The following TENT4A variants were observed in gnomAD, a reference collection of about 807,000 sequenced individuals.
The protein encoded by TENT4A is terminal nucleotidyltransferase 4A, also known as DNA polymerase kappa.
In TENT4A, 7 loss-of-function variants were observed where a neutral mutation model predicts 72.8. The observed-to-expected ratio is 0.10, with a 90% CI of 0.05 to 0.18. The LOEUF (loss-of-function observed/expected upper bound fraction) is 0.18. Among genes scored for constraint, TENT4A ranks in the 10% least tolerant of loss-of-function variants. The pLI is 1.00. For synonymous variants in TENT4A, 456 were observed against 434.3 expected (o/e 1.05, Z -0.62); for missense variants, 831 against 1,017.7 (o/e 0.82, Z 2.50).
intron 7 of TENT4A, among the ~76,000 whole-genome samples, chr5:6,748,190 C>T (rs1052972115): frequency 2.6e-5 from 4 of 152,238 alleles, no homozygotes; most frequent in African/African-American, 4.8e-5. Context: ...CAGCCGCCTC[C>T]GTGAGGTGGG....
rs906665266 is a variant in TENT4A, at chr5:6,754,867, C to T, written c.2301C>T (p.His767=). Residue 767 remains histidine, a synonymous_variant, in exon 13 of 13, where the codon CAC becomes CAT. Coordinates refer to ENST00000230859, the MANE Select transcript of TENT4A (RefSeq NM_006999.6). ...VRPPVGNRGH[H]QYNRTGWRRK... Reference sequence around the variant, plus strand: ...CCCCTGTGGGCAACAGGGGACACCACCAGTATAACCGCACCGGCTGGAGGA... The same window carrying T: ...CCCCTGTGGGCAACAGGGGACACCATCAGTATAACCGCACCGGCTGGAGGA... 5 of 1,608,846 alleles carry T rather than the reference C, an allele frequency of 3.1e-6. No homozygotes were observed. Among genetic ancestry groups the T allele is most frequent in the Non-Finnish European group, 4.3e-6 (5 of 1,176,358 alleles).
intron 1 of TENT4A, among the ~76,000 whole-genome samples, chr5:6,720,466 A>G (rs1740590649): frequency 1.3e-5 from 2 of 152,040 alleles, no homozygotes; most frequent in South Asian, 2.1e-4. Context: ...GGTGGTTACT[A>G]CTGAACTCAG....
chr5:6,748,662 T>G, intron 8 of TENT4A, 72 bp downstream of exon 8: 1 of 1,473,914 alleles, frequency 6.8e-7, no homozygotes, highest in Non-Finnish European at 9.3e-7. Flanking sequence ...CCTGTGTCAT[T>G]TACCTCCATG....
intron 1 of TENT4A, among the ~76,000 whole-genome samples, chr5:6,715,992 G>C (rs1283953689): frequency 1.3e-5 from 2 of 152,106 alleles, no homozygotes; most frequent in Admixed American, 1.3e-4. Context: ...GGCTCGCTTG[G>C]GGAGGACCTT....
At position 6,714,714 on chromosome 5, in the gene TENT4A, AGGCCGC is replaced by A. The variant is rs1281088238; in HGVS notation, c.716+18_716+23del. ...GGCATCCAGGGGTGAGTGCGCGGGG[AGGCCGC>A]GGGGGCGGGGGCGGGGCCCATGGTC... On this transcript the variant is annotated intron_variant, in intron 1 of 12. Coordinates refer to ENST00000230859, the MANE Select transcript of TENT4A (RefSeq NM_006999.6). 35 of 1,044,558 alleles carry A rather than the reference AGGCCGC, an allele frequency of 3.4e-5. No homozygotes were observed. Among genetic ancestry groups the A allele is most frequent in the Admixed American group, 1.0e-4 (2 of 19,598 alleles). 64.7% of individuals were successfully genotyped at this position (1,044,558 alleles called of 1,614,324 possible). A position where few individuals can be genotyped will look rare whatever the true frequency, so the allele number is the denominator to read the frequency against.
intron 1 of TENT4A, among the ~76,000 whole-genome samples, chr5:6,736,589 A>C (rs1741512610): frequency 6.6e-6 from 1 of 152,228 alleles, no homozygotes; most frequent in South Asian, 2.1e-4. Flanking sequence ...CTTAAAGGAA[A>C]AGAGGACGAC....
In TENT4A at chr5:6,754,982, C is replaced by A; in HGVS notation, c.*37C>A. On this transcript the variant is annotated 3_prime_UTR_variant, in exon 13 of 13. Coordinates refer to ENST00000230859, the MANE Select transcript of TENT4A (RefSeq NM_006999.6). The stretch of plus-strand genomic sequence containing the variant: ...TGCGTCAGCCTCCCCCACCCCTCTG[C>A]AGACTGCCCCGCGGCCTCGGCCACC... The A allele has an allele frequency of 6.6e-7, 1 of 1,519,186 alleles. No individual in the cohort carries two copies. Among genetic ancestry groups the A allele is most frequent in the South Asian group, 1.3e-5 (1 of 77,860 alleles). 94.1% of individuals were successfully genotyped at this position (1,519,186 alleles called of 1,614,324 possible).
chr5:6,746,069 G>A (rs1268388063), intron 6 of TENT4A, 145 bp from the exon 7 acceptor site: 1 of 1,505,508 alleles, frequency 6.6e-7, no homozygotes, highest in African/African-American at 1.4e-5. Flanking sequence ...TGCTGTTCAG[G>A]CTTCCTCGTG....
chr5:6,737,677 GTAAATT>G, intron 2 of TENT4A, 44 bp downstream of exon 2: 1 of 1,591,548 alleles, frequency 6.3e-7, no homozygotes, highest in Non-Finnish European at 8.6e-7. Context: ...TCACGTGCGA[GTAAATT>G]TAAATACCCT....
rs1742702960 is a variant in TENT4A, at chr5:6,756,421, A to C, written c.*1476A>C. Reference sequence around the variant, plus strand: ...GTCCACTAGTGGAGAATGTCAAGACAAGATACTTATTACCATGACATCTGA... The same window carrying C: ...GTCCACTAGTGGAGAATGTCAAGACCAGATACTTATTACCATGACATCTGA... On this transcript the variant is annotated 3_prime_UTR_variant, in exon 13 of 13. Coordinates refer to ENST00000230859, the MANE Select transcript of TENT4A (RefSeq NM_006999.6). The C allele has an allele frequency of 6.6e-6, 1 of 152,584 alleles. No individual in the cohort carries two copies. The highest frequency in any genetic ancestry group is 2.1e-4 in the South Asian group (1 of 4,830). 9.5% of individuals were successfully genotyped at this position (152,584 alleles called of 1,614,324 possible).
At chr5:6,750,843 C>A in intron 10 of TENT4A, 196 bp from the exon 11 acceptor site, 2 of 587,930 alleles carry the variant, frequency 3.4e-6, no homozygotes, top group Admixed American at 3.1e-5. Flanking sequence ...TTTCCTTTAA[C>A]ATTCTTTTTC....
At chr5:6,734,417 C>T (rs10040579) in intron 1 of TENT4A, among the ~76,000 whole-genome samples, 28,476 of 152,182 alleles carry the variant, frequency 0.19, 2,890 homozygotes, top group Non-Finnish European at 0.23. Flanking sequence ...GTCCCACGGC[C>T]GCCACCAGTC....
intron 4 of TENT4A, among the ~76,000 whole-genome samples, chr5:6,741,968 G>A (rs1741827504): frequency 6.6e-6 from 1 of 152,206 alleles, no homozygotes; most frequent in Non-Finnish European, 1.5e-5. Flanking sequence ...TCTTGTTGGT[G>A]AGAATATTTC....
intron 1 of TENT4A, among the ~76,000 whole-genome samples, chr5:6,716,527 C>T (rs1740397122): frequency 6.6e-6 from 1 of 152,226 alleles, no homozygotes; most frequent in African/African-American, 2.4e-5. Flanking sequence ...TTGATGCACT[C>T]TGGTCCTGCT....
chr5:6,743,384 A>T (rs1444209494), intron 5 of TENT4A, among the ~76,000 whole-genome samples: 3 of 152,060 alleles, frequency 2.0e-5, no homozygotes, highest in African/African-American at 7.2e-5. Flanking sequence ...CACTGTCCTC[A>T]TGGCCTGTGT....
Position 6,754,879 on chromosome 5 carries a change from C to T in TENT4A, c.2313C>T (p.Arg771=), listed in dbSNP as rs1413811431. Residue 771 remains arginine, a synonymous_variant, in exon 13 of 13, where the codon CGC becomes CGT. Transcript: ENST00000230859. The stretch of plus-strand genomic sequence containing the variant: ...ACAGGGGACACCACCAGTATAACCG[C>T]ACCGGCTGGAGGAGGAAAAAACACA... ...VGNRGHHQYN[R]TGWRRKKHTH... 1.9e-6 allele frequency: 3 copies of T among 1,607,582 alleles called. No homozygotes were observed. The highest frequency in any genetic ancestry group is 2.2e-5 in the South Asian group (2 of 90,768).
intron 4 of TENT4A, 117 bp from the exon 5 acceptor site, chr5:6,742,372 AC>A: frequency 3.0e-6 from 2 of 662,128 alleles, no homozygotes; most frequent in Non-Finnish European, 5.5e-6. Context: ...GTGTTCTCTG[AC>A]CCCCTTTCAT....
chr5:6,726,993 T>C (rs1436356796), intron 1 of TENT4A, among the ~76,000 whole-genome samples: 1 of 152,130 alleles, frequency 6.6e-6, no homozygotes, highest in Non-Finnish European at 1.5e-5. Flanking sequence ...GCTCTCTTAG[T>C]ACATGGGCTC....
At chr5:6,725,087 C>T (rs1165291590) in intron 1 of TENT4A, among the ~76,000 whole-genome samples, 1 of 152,182 alleles carries the variant, frequency 6.6e-6, no homozygotes, top group Admixed American at 6.5e-5. Context: ...TTTGGGAGGC[C>T]AAGGAGGGCG....
Sources: gnomAD v4.1 joint callset for allele counts (sites outside exome capture counted in the v4.1 genomes callset) on GRCh38, gnomAD v4.1.1 for gene constraint, MANE v1.5 for transcripts, NCBI Gene and HGNC (gene_info 2026-07-23, HGNC 2026-07-21) for gene names.